CNOT6L: variants seen among roughly 807,000 people sequenced by gnomAD.
The protein encoded by CNOT6L is CCR4-NOT transcription complex subunit 6 like.
Under a neutral mutation model 64.0 loss-of-function variants are expected in CNOT6L, and 7 were observed. The ratio of observed to expected loss-of-function variants is 0.11; its 90% CI spans 0.06 to 0.21. The LOEUF is 0.21. Ranked by LOEUF, CNOT6L falls within the 10% of genes least tolerant of loss-of-function variation. The probability of loss-of-function intolerance (pLI) is 1.00; values close to 1 mark genes in which losing one functional copy is unlikely to be tolerated. For missense variants in CNOT6L, 245 were observed against 669.0 expected, an observed-to-expected ratio of 0.37 and a Z score of 6.99; for synonymous variants, 193 against 243.4, an observed-to-expected ratio of 0.79 and a Z score of 1.93.
chr4:77,746,768 A>G (rs2109960770), intron 6 of CNOT6L, among the ~76,000 whole-genome samples: 1 of 152,320 alleles, frequency 6.6e-6, no homozygotes, highest in South Asian at 2.1e-4. Flanking sequence ...GGCCAAGTAT[A>G]AAATAAATCT....
At chr4:77,818,264 G>T (rs1161095031) in intron 1 of CNOT6L, among the ~76,000 whole-genome samples, 1 of 152,150 alleles carries the variant, frequency 6.6e-6, no homozygotes, top group Non-Finnish European at 1.5e-5. Context: ...AGTTAAGCAG[G>T]ATGACAGCTC....
At chr4:77,756,293 T>C (rs1233582805) in intron 5 of CNOT6L, among the ~76,000 whole-genome samples, 1 of 152,246 alleles carries the variant, frequency 6.6e-6, no homozygotes, top group Non-Finnish European at 1.5e-5. Flanking sequence ...ACATCCAGCC[T>C]GGTATTCTTA....
rs574466437 is a variant in CNOT6L at position 77,719,345 on chromosome 4, G to A, written c.*1086C>T. 6.6e-6 allele frequency: 1 copy of A among 152,660 alleles called. No homozygotes were observed. The highest frequency in any genetic ancestry group is 2.4e-5 in the African/African-American group (1 of 41,536). The allele number at this position is 152,660 out of a possible 1,614,324, so 9.5% of individuals were successfully genotyped here. A position where few individuals can be genotyped will look rare whatever the true frequency, so the allele number is the denominator to read the frequency against. On this transcript the variant is annotated 3_prime_UTR_variant, in exon 12 of 12. Transcript: ENST00000504123. The stretch of plus-strand genomic sequence containing the variant: ...GCTAGAGTCAGGAAAATGACCCAAC[G>A]TTTTCAACTACTGCCCCAAATTTGT...
intron 4 of CNOT6L, 57 bp downstream of exon 4, chr4:77,773,024 G>T (rs1390183697): frequency 6.3e-6 from 7 of 1,108,406 alleles, no homozygotes; most frequent in Non-Finnish European, 9.2e-6. Context: ...CTTTTTAAAG[G>T]CCAAAATGCT....
rs58242121 is a variant in CNOT6L at position 77,789,945 on chromosome 4, C to CAAAAAA, written c.6-13559_6-13554dup. Among the ~76,000 whole-genome samples, 7 of 83,318 alleles carry CAAAAAA rather than the reference C, an allele frequency of 8.4e-5. 1 individual carries two copies. Among genetic ancestry groups the CAAAAAA allele is most frequent in the African/African-American group, 2.9e-4 (6 of 20,690 alleles). 54.7% of individuals were successfully genotyped at this position (83,318 alleles called of 152,430 possible). Reference sequence around the variant, plus strand: ...TAAGCGACAAAGCAAGACACTGTCTCAAAAAAAAAAAAAAAAAAAAAAAAA... The same window carrying CAAAAAA: ...TAAGCGACAAAGCAAGACACTGTCTCAAAAAAAAAAAAAAAAAAAAAAAAAAAAAAA... On this transcript the variant is annotated intron_variant, in intron 1 of 11. Transcript: ENST00000504123.
chr4:77,741,202 C>A (rs890831941), intron 8 of CNOT6L, among the ~76,000 whole-genome samples: 1 of 152,114 alleles, frequency 6.6e-6, no homozygotes, highest in African/African-American at 2.4e-5. Flanking sequence ...ACTACAAATT[C>A]ATGGAAAAGA....
chr4:77,786,637 T>G (rs943531243), intron 1 of CNOT6L, among the ~76,000 whole-genome samples: 1 of 151,866 alleles, frequency 6.6e-6, no homozygotes, highest in East Asian at 2.0e-4. Flanking sequence ...ACCCCACGCC[T>G]GGCTAATTTT....
rs1724189418 is a variant in CNOT6L at position 77,746,265 on chromosome 4, G to A, written c.560-1390C>T. ...CCTGCCAGTGCCTGAGAATGAACCA[G>A]CAATTTTTAAACAGAAGTAAAAACT... On this transcript the variant is annotated intron_variant, in intron 6 of 11. Transcript: ENST00000504123. Among the ~76,000 whole-genome samples the A allele has an allele frequency of 3.3e-5, 5 of 152,194 alleles. No individual in the cohort carries two copies. In the South Asian group the frequency reaches 1.0e-3, roughly 32 times the overall value.
At chr4:77,781,007 AGAGT>A (rs756569350) in intron 1 of CNOT6L, among the ~76,000 whole-genome samples, 3 of 152,230 alleles carry the variant, frequency 2.0e-5, no homozygotes, top group Non-Finnish European at 2.9e-5. Flanking sequence ...GCCATAAAAA[AGAGT>A]GAGTTCATGT....
chr4:77,756,741 T>C lies in CNOT6L; in HGVS notation c.490+121A>G, dbSNP rs555784826. On this transcript the variant is annotated intron_variant, in intron 5 of 11. Coordinates refer to ENST00000504123, the MANE Select transcript of CNOT6L (RefSeq NM_144571.3). ...TGTTCCACTAACGTAGGATATACAA[T>C]GGAAGGAACTCCAAACCCATAGGCA... The C allele has an allele frequency of 2.4e-5, 14 of 579,400 alleles. No homozygotes were observed. In the South Asian group the frequency reaches 2.5e-4, roughly 10 times the overall value. The allele number at this position is 579,400 out of a possible 1,614,324, so 35.9% of individuals were successfully genotyped here.
chr4:77,807,065 G>C lies in CNOT6L; in HGVS notation c.5+12239C>G, dbSNP rs535829022. Among the ~76,000 whole-genome samples, 4 of 152,038 alleles carry C rather than the reference G, an allele frequency of 2.6e-5. No homozygotes were observed. In the East Asian group the frequency reaches 7.7e-4, roughly 29 times the overall value. ...CAATCTTTTGTATTTTTAATAGAGA[G>C]GGGATTTCACCATGTTGGCCAGGAT... is the stretch of plus-strand genomic sequence containing the variant. On this transcript the variant is annotated intron_variant, in intron 1 of 11. Transcript: ENST00000504123.
At chr4:77,785,820 C>T (rs1479690741) in intron 1 of CNOT6L, among the ~76,000 whole-genome samples, 1 of 152,024 alleles carries the variant, frequency 6.6e-6, no homozygotes, top group African/African-American at 2.4e-5. Context: ...TCTCAAAGTG[C>T]CACAGTGCTG....
intron 1 of CNOT6L, among the ~76,000 whole-genome samples, chr4:77,792,304 A>G (rs913266631): frequency 6.6e-6 from 1 of 152,182 alleles, no homozygotes; most frequent in Admixed American, 6.5e-5. Context: ...CAAAAATTCT[A>G]TACTTTAAGC....
intron 1 of CNOT6L, among the ~76,000 whole-genome samples, chr4:77,779,656 GGATGCCAATAA>G (rs1728625781): frequency 6.6e-6 from 1 of 152,112 alleles, no homozygotes; most frequent in Admixed American, 6.6e-5. Context: ...GATTTGATTA[GGATGCCAATAA>G]AAATGACCAA....
At chr4:77,797,153 T>C (rs1257844435) in intron 1 of CNOT6L, among the ~76,000 whole-genome samples, 1 of 129,478 alleles carries the variant, frequency 7.7e-6, no homozygotes, top group Non-Finnish European at 1.6e-5. Flanking sequence ...CTGGGGAGGA[T>C]AATCTCTAAC....
intron 4 of CNOT6L, among the ~76,000 whole-genome samples, chr4:77,759,842 A>C (rs1725981204): frequency 1.3e-5 from 2 of 152,208 alleles, no homozygotes; most frequent in African/African-American, 4.8e-5. Context: ...GAAACCAAAA[A>C]ATATGCATTC....
intron 1 of CNOT6L, among the ~76,000 whole-genome samples, chr4:77,812,737 G>A (rs550186266): frequency 3.5e-4 from 53 of 152,086 alleles, no homozygotes; most frequent in African/African-American, 1.3e-3. Flanking sequence ...ATATTCAGAT[G>A]GCAATGGTCC....
chr4:77,720,622 A>G lies in CNOT6L; in HGVS notation c.1477T>C (p.Tyr493His). 6.2e-7 allele frequency: 1 copy of G among 1,613,352 alleles called. No individual in the cohort carries two copies. The highest frequency in any genetic ancestry group is 8.5e-7 in the Non-Finnish European group (1 of 1,179,396). ...AGCACGTTCATATGAGTCTTGGAAT[A>G]GAAAATGTAGTCAATCACGCCCTGG... ...DFKGVIDYIF[Y>H]SKTHMNVLGV... is the part of the protein sequence containing the mutation. The change falls in exon 12 of 12, where the codon TAT becomes CAT. Residue 493 changes from tyrosine (Y) to histidine (H), a missense_variant. Physicochemically the swap from Tyr to His is moderately conservative, Grantham distance 83. Around this residue, in one of 10 missense-constraint regions of CNOT6L, gnomAD observed 8 missense variants for 47.1 expected, o/e 0.17. Coordinates refer to ENST00000504123, the MANE Select transcript of CNOT6L (RefSeq NM_144571.3).
intron 4 of CNOT6L, among the ~76,000 whole-genome samples, chr4:77,758,132 T>A (rs1257744846): frequency 6.6e-6 from 1 of 152,222 alleles, no homozygotes; most frequent in East Asian, 1.9e-4. Flanking sequence ...CTAATTGACT[T>A]GCAAGTGAGA....
Sources: allele counts gnomAD v4.1 joint callset (sites outside exome capture counted in the v4.1 genomes callset), GRCh38; gene constraint gnomAD v4.1.1; regional missense constraint gnomAD v4.1.1; transcripts MANE v1.5; gene names NCBI Gene and HGNC (gene_info 2026-07-23, HGNC 2026-07-21).